Variants in ULK4 observed in about 807,000 individuals in gnomAD.
ULK4 encodes inactive serine/threonine-protein kinase ULK4.
ULK4 carries 133 observed loss-of-function variants against 160.6 expected under a neutral mutation model. The observed-to-expected ratio is 0.83, with a 90% CI of 0.72 to 0.96. The LOEUF is 0.96. Ranked by LOEUF, ULK4 falls within the 40% of genes least tolerant of loss-of-function variation. ULK4 has a pLI of 0.00. For synonymous variants in ULK4, 534 were observed against 539.8 expected, an observed-to-expected ratio of 0.99 and a Z score of 0.15; for missense variants, 1,580 against 1,499.5, an observed-to-expected ratio of 1.05 and a Z score of -0.89.
chr3:41,598,026 T>C (rs1004518287), intron 31 of ULK4, among the ~76,000 whole-genome samples: 14 of 152,218 alleles, frequency 9.2e-5, no homozygotes, highest in African/African-American at 3.1e-4. Context: ...AGATCCTGCG[T>C]TCCCAAAGGG....
At chr3:41,899,066 G>A (rs1698263033) in intron 13 of ULK4, 1 of 152,464 alleles carries the variant, frequency 6.6e-6, no homozygotes, top group South Asian at 2.1e-4. Flanking sequence ...GGTTTACAGA[G>A]AGGTAGAAGG....
chr3:41,446,321 T>C (rs2083296317), intron 34 of ULK4, among the ~76,000 whole-genome samples: 1 of 152,146 alleles, frequency 6.6e-6, no homozygotes, highest in African/African-American at 2.4e-5. Context: ...AGTGTGGCGA[T>C]TCCTCAGGGA....
intron 34 of ULK4, among the ~76,000 whole-genome samples, chr3:41,447,026 G>A (rs1219103754): frequency 7.7e-6 from 1 of 130,256 alleles, no homozygotes; most frequent in East Asian, 2.5e-4. Context: ...GGAGGTTGCA[G>A]TTAGCCGAGA....
rs11455719 is a variant in ULK4, at chr3:41,957,448, CAA to C, written c.-48-2643_-48-2642del. Among the ~76,000 whole-genome samples the C allele has an allele frequency of 1.1e-4, 11 of 97,248 alleles. No individual in the cohort carries two copies. The Admixed American group carries it at 1.3e-3, about 12-fold the overall frequency. 63.8% of individuals were successfully genotyped at this position (97,248 alleles called of 152,430 possible). A position where few individuals can be genotyped will look rare whatever the true frequency, so the allele number is the denominator to read the frequency against. ...CCAGCCTGGGAGACAGAGCACCACT[CAA>C]AAAAAAAAAAAAAAAATCAATCTTT... On this transcript the variant is annotated intron_variant, in intron 1 of 36. Transcript: ENST00000301831.
chr3:41,570,870 C>A (rs1044782747), intron 31 of ULK4, among the ~76,000 whole-genome samples: 7 of 152,260 alleles, frequency 4.6e-5, no homozygotes, highest in African/African-American at 1.7e-4. Context: ...ATAAAGGCCC[C>A]TGCCTGCCCC....
At chr3:41,829,362 C>A (rs1465822912) in intron 18 of ULK4, among the ~76,000 whole-genome samples, 1 of 146,132 alleles carries the variant, frequency 6.8e-6, no homozygotes, top group Non-Finnish European at 1.5e-5. Context: ...AACAGGCAAC[C>A]TACAGAATGG....
intron 19 of ULK4, among the ~76,000 whole-genome samples, chr3:41,805,860 T>C (rs1199366263): frequency 6.9e-6 from 1 of 145,864 alleles, no homozygotes; most frequent in East Asian, 2.0e-4. Flanking sequence ...GATAAGCTTT[T>C]GGATGTGCTG....
At chr3:41,835,069 A>G (rs1575797138) in intron 18 of ULK4, among the ~76,000 whole-genome samples, 3 of 152,162 alleles carry the variant, frequency 2.0e-5, no homozygotes, top group East Asian at 1.9e-4. Context: ...AATCATAACA[A>G]TATCAGTTCT....
At chr3:41,395,802 A>G (rs1443187745) in intron 35 of ULK4, among the ~76,000 whole-genome samples, 2 of 152,190 alleles carry the variant, frequency 1.3e-5, no homozygotes, top group Non-Finnish European at 1.5e-5. Flanking sequence ...TTTTACCACA[A>G]TAAAAAGAAA....
At chr3:41,874,897 G>A (rs1239170966) in intron 17 of ULK4, among the ~76,000 whole-genome samples, 2 of 152,184 alleles carry the variant, frequency 1.3e-5, no homozygotes, top group Non-Finnish European at 2.9e-5. Context: ...TTAGCAGTCA[G>A]GTGCAGTAGC....
chr3:41,249,596 G>A (rs773937400), intron 35 of ULK4, 22 bp from the exon 36 acceptor site: 2 of 1,610,210 alleles, frequency 1.2e-6, no homozygotes, highest in Non-Finnish European at 1.7e-6. Context: ...GGAGGAAGAA[G>A]ACAGTGGTCA....
chr3:41,652,985 C>G (rs2034800168), intron 30 of ULK4, among the ~76,000 whole-genome samples: 1 of 152,098 alleles, frequency 6.6e-6, no homozygotes, highest in Admixed American at 6.5e-5. Flanking sequence ...GACAATGGCA[C>G]AGTATACTAA....
intron 31 of ULK4, among the ~76,000 whole-genome samples, chr3:41,586,014 C>T (rs1037738713): frequency 1.3e-5 from 2 of 152,058 alleles, no homozygotes; most frequent in Non-Finnish European, 2.9e-5. Context: ...ATGGTGAGGA[C>T]GGGCAGAAAC....
At chr3:41,363,720 A>G (rs1404189262) in intron 35 of ULK4, among the ~76,000 whole-genome samples, 1 of 152,164 alleles carries the variant, frequency 6.6e-6, no homozygotes, top group Non-Finnish European at 1.5e-5. Flanking sequence ...CAAAGTATAT[A>G]TCTGTGGGCA....
At chr3:41,925,002 A>G (rs2148816990) in intron 5 of ULK4, among the ~76,000 whole-genome samples, 2 of 152,280 alleles carry the variant, frequency 1.3e-5, no homozygotes, top group Middle Eastern at 6.8e-3. Context: ...CCCAAAAGGT[A>G]TAAGAAACAT....
At chr3:41,403,922 T>A (rs1376524812) in intron 34 of ULK4, among the ~76,000 whole-genome samples, 1 of 152,176 alleles carries the variant, frequency 6.6e-6, no homozygotes, top group East Asian at 1.9e-4. Flanking sequence ...TGATTTCTAG[T>A]TTGATTCTAT....
intron 18 of ULK4, among the ~76,000 whole-genome samples, chr3:41,824,329 G>A (rs143298915): frequency 6.6e-6 from 1 of 151,970 alleles, no homozygotes; most frequent in African/African-American, 2.4e-5. Flanking sequence ...CAGGACAGTG[G>A]GTGCAGCACA....
rs373044054 is a variant in ULK4, at chr3:41,681,600, G to A, written c.2886C>T (p.Leu962=). The part of the protein sequence containing the change: ...LRLLSETTSL[L]VNQEFGDGKE... The stretch of plus-strand genomic sequence containing the variant: ...TGCCATCCCCAAACTCCTGGTTCAC[G>A]AGTAGAGATGTGGTTTCTGAGAGCA... Residue 962 remains leucine, a synonymous_variant, in exon 29 of 37, where the codon CTC becomes CTT. Transcript: ENST00000301831. 1.1e-4 allele frequency: 181 copies of A among 1,613,902 alleles called. 1 individual carries two copies. The highest frequency in any genetic ancestry group is 4.7e-4 in the South Asian group (43 of 91,062).
chr3:41,935,209 A>ATTTTTTTTTTTTT (rs10524611), intron 4 of ULK4, among the ~76,000 whole-genome samples: 3 of 135,554 alleles, frequency 2.2e-5, no homozygotes, highest in Admixed American at 7.1e-5. Flanking sequence ...TTATTTATTT[A>ATTTTTTTTTTTTT]TTTTTTTTTT....
Sources: gnomAD v4.1 joint callset for allele counts (sites outside exome capture counted in the v4.1 genomes callset) on GRCh38, gnomAD v4.1.1 for gene constraint, MANE v1.5 for transcripts, NCBI Gene and HGNC (gene_info 2026-07-23, HGNC 2026-07-21) for gene names.